The following PLCH2 variants were observed in gnomAD, a reference collection of about 807,000 sequenced individuals.
PLCH2 encodes the protein phospholipase C eta 2.
In PLCH2, 98 loss-of-function variants were observed where a neutral mutation model predicts 134.7. The ratio of observed to expected loss-of-function variants is 0.73; its 90% CI spans 0.62 to 0.86. The LOEUF (loss-of-function observed/expected upper bound fraction) is 0.86. Among genes scored for constraint, PLCH2 ranks in the 40% least tolerant of loss-of-function variants. The probability of loss-of-function intolerance (pLI) is 0.00; values close to 1 mark genes in which losing one functional copy is unlikely to be tolerated. For missense variants in PLCH2, 1,994 were observed against 1,986.6 expected, an observed-to-expected ratio of 1.00 and a Z score of -0.07; for synonymous variants, 974 against 827.5, an observed-to-expected ratio of 1.18 and a Z score of -3.04.
At chr1:2,459,302 G>A (rs980175993) in intron 2 of PLCH2, among the ~76,000 whole-genome samples, 2 of 146,188 alleles carry the variant, frequency 1.4e-5, no homozygotes, top group African/African-American at 2.8e-5. Context: ...CCTTGCCAGT[G>A]GTCCTCCTTC....
chr1:2,486,219 C>T (rs1204274551), intron 5 of PLCH2, among the ~76,000 whole-genome samples: 2 of 152,208 alleles, frequency 1.3e-5, no homozygotes, highest in East Asian at 1.9e-4. Context: ...CTTGTGGAAC[C>T]CTCTGTGCAC....
intron 4 of PLCH2, among the ~76,000 whole-genome samples, chr1:2,484,240 C>T (rs182744058): frequency 1.1e-4 from 16 of 152,182 alleles, no homozygotes; most frequent in East Asian, 5.8e-4. Flanking sequence ...CAGGCAGGTG[C>T]GTCAGTTCTG....
the PLCH2 span, among the ~76,000 whole-genome samples, chr1:2,419,176 A>G: frequency 9.2e-5 from 14 of 151,552 alleles, no homozygotes; most frequent in African/African-American, 3.4e-4. Context: ...GACCCTTCCC[A>G]CCTGCGGTCA....
chr1:2,479,603 G>A (rs1247332230), intron 2 of PLCH2, 131 bp from the exon 3 acceptor site: 6 of 879,386 alleles, frequency 6.8e-6, no homozygotes, highest in African/African-American at 1.7e-5. Flanking sequence ...TCTGGACCCT[G>A]AGCCCTGCCG....
intron 2 of PLCH2, among the ~76,000 whole-genome samples, chr1:2,462,430 C>T (rs1382405904): frequency 2.1e-5 from 3 of 145,034 alleles, no homozygotes; most frequent in Non-Finnish European, 3.0e-5. Flanking sequence ...CTCCACCTGA[C>T]ACCCCTCTGC....
chr1:2,487,192 G>T lies in PLCH2; in HGVS notation c.930G>T (p.Arg310Ser). 6.3e-7 allele frequency: 1 copy of T among 1,576,260 alleles called. No individual in the cohort carries two copies. The change falls in exon 7 of 22, where the codon AGG becomes AGT. Residue 310 changes from arginine (R) to serine (S), a missense_variant. This residue lies in a region of PLCH2 where 1,094 missense variants were observed against 1,234.3 expected (regional missense o/e 0.89). Transcript: ENST00000378486. ...CTGCAGGCTTCACCAACTACACCAG[G>T]AGCCCTGCTGGTGACATCTTCAACC... is the stretch of plus-strand genomic sequence containing the variant. ...LGIDGFTNYT[R>S]SPAGDIFNPE...
intron 2 of PLCH2, among the ~76,000 whole-genome samples, chr1:2,437,577 C>T (rs1639487457): frequency 6.6e-6 from 1 of 152,152 alleles, no homozygotes; most frequent in Admixed American, 6.5e-5. Flanking sequence ...TCCACCCCTG[C>T]AGCCTCCACC....
At chr1:2,446,435 C>G (rs1217058200) in intron 2 of PLCH2, among the ~76,000 whole-genome samples, 1 of 152,178 alleles carries the variant, frequency 6.6e-6, no homozygotes, top group Non-Finnish European at 1.5e-5. Context: ...CAGACTGGGG[C>G]CCCAGGCAGA....
chr1:2,424,546 A>C (rs1043171042), upstream of PLCH2, among the ~76,000 whole-genome samples: 2 of 152,188 alleles, frequency 1.3e-5, no homozygotes, highest in Non-Finnish European at 2.9e-5. Context: ...AAATGACAGA[A>C]TTTCTTCCTT....
chr1:2,502,842 G>A, intron 21 of PLCH2: 1 of 717,214 alleles, frequency 1.4e-6, no homozygotes, highest in Non-Finnish European at 2.6e-6. Context: ...GCCCTGCAGG[G>A]AGAGATGAGT....
chr1:2,431,178 C>A (rs182269005), intron 2 of PLCH2, among the ~76,000 whole-genome samples: 1 of 151,516 alleles, frequency 6.6e-6, no homozygotes, highest in Admixed American at 6.6e-5. Context: ...CGCTATCTGC[C>A]GCTTCTGCTC....
rs894755147 is a variant in PLCH2 at position 2,499,568 on chromosome 1, G to A, written c.2582-73G>A. The A allele has an allele frequency of 2.0e-5, 23 of 1,160,026 alleles. 1 individual carries two copies. In the Admixed American group the frequency reaches 4.0e-4, roughly 20 times the overall value. The allele number at this position is 1,160,026 out of a possible 1,614,324, so 71.9% of individuals were successfully genotyped here. A position where few individuals can be genotyped will look rare whatever the true frequency, so the allele number is the denominator to read the frequency against. ...TCTGGGGTCTTGGGACCTTTAAGTA[G>A]AATGGGGGGCAGAGCAGGTGGGGGC... On this transcript the variant is annotated intron_variant, in intron 19 of 21. Coordinates refer to ENST00000378486, the MANE Select transcript of PLCH2 (RefSeq NM_014638.4).
chr1:2,453,006 T>C (rs970364183), intron 2 of PLCH2, among the ~76,000 whole-genome samples: 9 of 151,790 alleles, frequency 5.9e-5, no homozygotes, highest in African/African-American at 2.2e-4. Context: ...CCCTCAGTGC[T>C]CTCAGAGTCC....
At chr1:2,425,704 T>TC (rs34361774), upstream of PLCH2, among the ~76,000 whole-genome samples, 10 of 151,792 alleles carry the variant, frequency 6.6e-5, no homozygotes, top group East Asian at 1.9e-3. Flanking sequence ...TTTTTTTTTT[T>TC]GTAGAGATGG....
intron 11 of PLCH2, chr1:2,493,407 T>A (rs1202543854): frequency 6.6e-6 from 1 of 152,262 alleles, no homozygotes; most frequent in African/African-American, 2.4e-5. Flanking sequence ...ACCAATAAAT[T>A]CAGAGGAAAC....
At chr1:2,456,586 G>A (rs1459890634) in intron 2 of PLCH2, among the ~76,000 whole-genome samples, 2 of 152,206 alleles carry the variant, frequency 1.3e-5, no homozygotes, top group East Asian at 1.9e-4. Flanking sequence ...CAGACCCGTC[G>A]ACCCCTTGGG....
intron 8 of PLCH2, among the ~76,000 whole-genome samples, 197 bp downstream of exon 8, chr1:2,487,915 G>C (rs539465168): frequency 6.6e-6 from 1 of 152,318 alleles, no homozygotes; most frequent in African/African-American, 2.4e-5. Context: ...TCTAGGCAGG[G>C]GCTTCACAGG....
chr1:2,459,664 G>T (rs79092826), intron 2 of PLCH2, among the ~76,000 whole-genome samples: 1,422 of 19,886 alleles, frequency 0.072, 68 homozygotes, highest in Non-Finnish European at 0.13. Context: ...GGTCCTCCTT[G>T]CCTGTGGTCT....
At chr1:2,484,271 C>T (rs1430379768) in intron 4 of PLCH2, among the ~76,000 whole-genome samples, 177 bp from the exon 5 acceptor site, 4 of 152,062 alleles carry the variant, frequency 2.6e-5, no homozygotes, top group African/African-American at 9.7e-5. Context: ...GGGCTGTCCT[C>T]CTGGTGGGTG....
Sources: gnomAD v4.1 joint callset for allele counts (sites outside exome capture counted in the v4.1 genomes callset) on GRCh38, gnomAD v4.1.1 for gene constraint, gnomAD v4.1.1 regional missense constraint, MANE v1.5 for transcripts, NCBI Gene and HGNC (gene_info 2026-07-23, HGNC 2026-07-21) for gene names.